Variants in FRMPD2 observed in about 807,000 individuals in gnomAD.
FRMPD2 encodes FERM and PDZ domain-containing protein 2.
Under a neutral mutation model 140.1 loss-of-function variants are expected in FRMPD2, and 96 were observed. The observed-to-expected ratio is 0.69, with a 90% CI of 0.58 to 0.81. The LOEUF is 0.81. Among genes scored for constraint, FRMPD2 ranks in the 40% least tolerant of loss-of-function variants. The probability of loss-of-function intolerance (pLI) is 0.00; values close to 1 mark genes in which losing one functional copy is unlikely to be tolerated. For synonymous variants in FRMPD2, 449 were observed against 547.6 expected (o/e 0.82, Z 2.52); for missense variants, 1,240 against 1,447.4 (o/e 0.86, Z 2.32).
intron 3 of FRMPD2, among the ~76,000 whole-genome samples, chr10:48,245,885 AAC>A (rs1840236092): frequency 6.6e-6 from 1 of 152,234 alleles, no homozygotes; most frequent in African/African-American, 2.4e-5. Flanking sequence ...TGCATGTAAA[AAC>A]ACACAGTTAT....
intron 12 of FRMPD2, among the ~76,000 whole-genome samples, chr10:48,220,290 T>C (rs1389422013): frequency 2.6e-5 from 4 of 152,098 alleles, no homozygotes; most frequent in African/African-American, 9.7e-5. Context: ...GCCAAATACT[T>C]ACAATCAATT....
chr10:48,239,516 C>T (rs1479425321), intron 7 of FRMPD2, 89 bp downstream of exon 7: 1 of 878,296 alleles, frequency 1.1e-6, no homozygotes, highest in East Asian at 2.7e-5. Flanking sequence ...AGGCTTCTTA[C>T]TAATAATCAG....
At chr10:48,214,412 A>G (rs2131888024) in intron 12 of FRMPD2, among the ~76,000 whole-genome samples, 1 of 152,346 alleles carries the variant, frequency 6.6e-6, no homozygotes, top group South Asian at 2.1e-4. Context: ...ACCTCAGTGT[A>G]AACTATGAGC....
intron 1 of FRMPD2, among the ~76,000 whole-genome samples, chr10:48,255,605 C>T (rs1840473582): frequency 6.6e-6 from 1 of 152,142 alleles, no homozygotes; most frequent in South Asian, 2.1e-4. Context: ...CAGAGGGAGA[C>T]AGCCAACGAG....
Position 48,225,636 on chromosome 10 carries a change from GC to G in FRMPD2, c.1169-2367del, listed in dbSNP as rs777172598. 3.9e-5 allele frequency among the ~76,000 whole-genome samples: 6 copies of G among 152,294 alleles called. No homozygotes were observed. The South Asian group carries it at 8.3e-4, about 21-fold the overall frequency. ...TGCATATCCCGGATTGCAATCTCCT[GC>G]TAATTCCAGAATAAACTCTTTCTTT... On this transcript the variant is annotated intron_variant, in intron 10 of 28. Transcript: ENST00000374201.
At chr10:48,173,549 G>A (rs574080400) in intron 24 of FRMPD2, among the ~76,000 whole-genome samples, 127 of 151,928 alleles carry the variant, frequency 8.4e-4, no homozygotes, top group Admixed American at 4.9e-3. Context: ...CCGCTGGGCC[G>A]TGGCAAGCTC....
chr10:48,268,601 A>C (rs1435406210), intron 1 of FRMPD2, among the ~76,000 whole-genome samples: 3 of 152,374 alleles, frequency 2.0e-5, no homozygotes, highest in Admixed American at 6.5e-5. Context: ...TACGTGCAAC[A>C]GCTTGATTAG....
chr10:48,264,911 T>A (rs1050566168), intron 1 of FRMPD2, among the ~76,000 whole-genome samples: 2 of 152,028 alleles, frequency 1.3e-5, no homozygotes, highest in Admixed American at 1.3e-4. Flanking sequence ...ACCAAGGCAA[T>A]CCTATACAAA....
chr10:48,241,774 A>C (rs773919767), intron 5 of FRMPD2, among the ~76,000 whole-genome samples: 4 of 152,170 alleles, frequency 2.6e-5, no homozygotes, highest in Non-Finnish European at 5.9e-5. Flanking sequence ...GACCACAAAA[A>C]CGAAGTCGGG....
In FRMPD2 at chr10:48,231,926, C is replaced by A. The variant is rs571510749; in HGVS notation, c.1168+189G>T. Among the ~76,000 whole-genome samples, 4 of 152,318 alleles carry A rather than the reference C, an allele frequency of 2.6e-5. No homozygotes were observed. The East Asian group carries it at 7.7e-4, about 29-fold the overall frequency. ...CTTACACTCATTATTTCCTGACAAC[C>A]TTCTGCACTTGCTTGATGCTTTATC... On this transcript the variant is annotated intron_variant, in intron 10 of 28. Coordinates refer to ENST00000374201, the MANE Select transcript of FRMPD2 (RefSeq NM_001018071.4).
intron 16 of FRMPD2, among the ~76,000 whole-genome samples, chr10:48,189,779 T>C (rs1788049336): frequency 6.6e-6 from 1 of 152,168 alleles, no homozygotes. Context: ...TGATGCCACA[T>C]CTCCCAAGCA....
intron 10 of FRMPD2, among the ~76,000 whole-genome samples, chr10:48,223,644 C>A (rs573813682): frequency 6.6e-6 from 1 of 152,330 alleles, no homozygotes; most frequent in South Asian, 2.1e-4. Flanking sequence ...TCCACCTCAG[C>A]TGTACCAACC....
chr10:48,204,600 A>G (rs1839164281), intron 14 of FRMPD2, among the ~76,000 whole-genome samples: 1 of 152,248 alleles, frequency 6.6e-6, no homozygotes, highest in Admixed American at 6.5e-5. Flanking sequence ...CATTGTCAGG[A>G]AGTTAATAAA....
chr10:48,221,095 A>C (rs1408211306), intron 12 of FRMPD2, among the ~76,000 whole-genome samples: 1 of 152,210 alleles, frequency 6.6e-6, no homozygotes, highest in Non-Finnish European at 1.5e-5. Flanking sequence ...CTGAGTATCT[A>C]CCCAGAGGAA....
chr10:48,187,142 C>T (rs746088401), intron 17 of FRMPD2, 50 bp downstream of exon 17: 3 of 1,284,092 alleles, frequency 2.3e-6, no homozygotes, highest in East Asian at 2.5e-5. Flanking sequence ...AAGCAAGCTT[C>T]CTGCGTAGGG....
intron 1 of FRMPD2, 98 bp from the exon 2 acceptor site, chr10:48,251,789 CACT>C: frequency 7.3e-7 from 1 of 1,374,628 alleles, no homozygotes; most frequent in Non-Finnish European, 1.0e-6. Flanking sequence ...ATGGTCTGGC[CACT>C]ACTGCACACC....
chr10:48,161,560 T>A (rs1172867273), intron 28 of FRMPD2, among the ~76,000 whole-genome samples: 1 of 151,672 alleles, frequency 6.6e-6, no homozygotes, highest in Non-Finnish European at 1.5e-5. Context: ...GTATGCAAAA[T>A]GTGTAACTTT....
intron 15 of FRMPD2, among the ~76,000 whole-genome samples, chr10:48,198,894 G>T (rs1311896074): frequency 6.6e-6 from 1 of 152,166 alleles, no homozygotes. Flanking sequence ...GATGCTGTTG[G>T]TGTATAGAGA....
Position 48,251,624 on chromosome 10 carries a change from C to T in FRMPD2, c.93G>A (p.Glu31=). The T allele has an allele frequency of 6.2e-7, 1 of 1,614,256 alleles. No individual in the cohort carries two copies. The highest frequency in any genetic ancestry group is 1.1e-5 in the South Asian group (1 of 91,090). ...LQVRGEALSE[E]EIWSLLFLAA... ...CCAGGAACAGGAGGGACCAGATTTC[C>T]TCCTCAGACAGAGCTTCACCCCTGA... The change falls in exon 2 of 29, where the codon GAG becomes GAA. Residue 31 remains glutamate, a synonymous_variant. Coordinates refer to ENST00000374201, the MANE Select transcript of FRMPD2 (RefSeq NM_001018071.4).
Sources: gnomAD v4.1 joint callset for allele counts (sites outside exome capture counted in the v4.1 genomes callset) on GRCh38, gnomAD v4.1.1 for gene constraint, MANE v1.5 for transcripts, NCBI Gene and HGNC (gene_info 2026-07-23, HGNC 2026-07-21) for gene names.